MYH15: variants seen among roughly 807,000 people sequenced by gnomAD.
MYH15 encodes myosin-15.
Under a neutral mutation model 240.5 loss-of-function variants are expected in MYH15, and 227 were observed. That is an observed-to-expected ratio of 0.94 (90% CI 0.85 to 1.05). MYH15 has a LOEUF of 1.05. Ranked by LOEUF, MYH15 falls within the 50% of genes least tolerant of loss-of-function variation. MYH15 has a pLI of 0.00. For missense variants in MYH15, 2,217 were observed against 2,247.5 expected, an observed-to-expected ratio of 0.99 and a Z score of 0.27; for synonymous variants, 785 against 796.7, an observed-to-expected ratio of 0.99 and a Z score of 0.25.
the MYH15 span, chr3:108,550,485 A>AT: frequency 1.3e-5 from 2 of 151,420 alleles, no homozygotes; most frequent in African/African-American, 2.4e-5. Flanking sequence ...AAGTTCTTAG[A>AT]TTTTTTATGA....
At chr3:108,533,651 T>C (rs545551980), upstream of MYH15, among the ~76,000 whole-genome samples, 3 of 152,260 alleles carry the variant, frequency 2.0e-5, no homozygotes, top group South Asian at 6.2e-4. Context: ...CTATATTTCG[T>C]GAAAGACTTG....
chr3:108,402,200 G>A (rs1358243499), intron 33 of MYH15, among the ~76,000 whole-genome samples: 1 of 152,104 alleles, frequency 6.6e-6, no homozygotes, highest in Non-Finnish European at 1.5e-5. Context: ...CTGAGTTTGA[G>A]GTTCTAATTT....
the MYH15 span, chr3:108,550,072 C>T: frequency 1.4e-4 from 22 of 151,878 alleles, no homozygotes; most frequent in East Asian, 4.1e-3. Context: ...ATCAAACAGA[C>T]ATATGGTGAA....
At chr3:108,546,647 C>A in the MYH15 span, among the ~76,000 whole-genome samples, 1 of 152,050 alleles carries the variant, frequency 6.6e-6, no homozygotes, top group Non-Finnish European at 1.5e-5. Flanking sequence ...AGGAAATAGA[C>A]AACTAAAATG....
In MYH15 at chr3:108,467,829, TAATAA is replaced by T. The variant is rs146591253; in HGVS notation, c.1554+2208_1554+2212del. On this transcript the variant is annotated intron_variant, in intron 14 of 40. Coordinates refer to ENST00000693548, the MANE Select transcript of MYH15 (RefSeq NM_014981.3). ...TCTAAACAAACTAGAATATTTCAAG[TAATAA>T]AATAAGTATGAGCAAATCCTATAAT... 2.0e-3 allele frequency among the ~76,000 whole-genome samples: 300 copies of T among 152,272 alleles called. 2 individuals carry two copies. Among genetic ancestry groups the T allele is most frequent in the African/African-American group, 7.0e-3 (292 of 41,578 alleles).
chr3:108,449,378 T>A (rs1376959731), intron 21 of MYH15, among the ~76,000 whole-genome samples: 2 of 152,112 alleles, frequency 1.3e-5, no homozygotes, highest in Non-Finnish European at 2.9e-5. Flanking sequence ...GGTATTAGCA[T>A]AAAAACAAAC....
chr3:108,430,887 AC>A lies in MYH15; in HGVS notation c.3256del (p.Val1086TrpfsTer8), dbSNP rs1371858769. 13 of 1,612,310 alleles carry A rather than the reference AC, an allele frequency of 8.1e-6. No individual in the cohort carries two copies. The highest frequency in any genetic ancestry group is 9.3e-6 in the Non-Finnish European group (11 of 1,179,652). ...AGCTACCAGGCCTTTCTCATTCTCCACTTTTGAATTCATCTGACTCAATTCT... is the reference window on the plus strand; with the variant it reads ...AGCTACCAGGCCTTTCTCATTCTCCATTTTGAATTCATCTGACTCAATTCT... ...ELELSQMNSK[V>X]ENEKGLVAQL... On this transcript the variant is annotated frameshift_variant, in exon 26 of 41. Coordinates refer to ENST00000693548, the MANE Select transcript of MYH15 (RefSeq NM_014981.3). LOFTEE classifies it high-confidence loss of function.
chr3:108,455,880 A>C (rs1193452480), intron 19 of MYH15, 21 bp from the exon 20 acceptor site: 3 of 1,602,104 alleles, frequency 1.9e-6, no homozygotes, highest in Non-Finnish European at 2.6e-6. Context: ...ATAAAGAAAA[A>C]ATCATGAGTT....
At chr3:108,546,369 G>GA in the MYH15 span, among the ~76,000 whole-genome samples, 1 of 152,196 alleles carries the variant, frequency 6.6e-6, no homozygotes, top group Non-Finnish European at 1.5e-5. Context: ...TAAGTGAGAT[G>GA]AAATATGATA....
At chr3:108,427,695 G>C (rs1436748364) in intron 27 of MYH15, among the ~76,000 whole-genome samples, 1 of 151,668 alleles carries the variant, frequency 6.6e-6, no homozygotes, top group African/African-American at 2.4e-5. Flanking sequence ...ACTCAGTATG[G>C]TATTTAAAAG....
intron 22 of MYH15, among the ~76,000 whole-genome samples, chr3:108,442,593 T>G (rs2107569912): frequency 6.6e-6 from 1 of 152,202 alleles, no homozygotes; most frequent in African/African-American, 2.4e-5. Context: ...CGACCATCAT[T>G]GATCTCTTCA....
rs191702761 is a variant in MYH15, at chr3:108,521,262, G to A, written c.-58+8001C>T. 6.7e-3 allele frequency among the ~76,000 whole-genome samples: 1,012 copies of A among 152,088 alleles called. 5 individuals are homozygous for A. Among genetic ancestry groups the A allele is most frequent in the African/African-American group, 0.023 (955 of 41,484 alleles). On this transcript the variant is annotated intron_variant, in intron 1 of 41. Coordinates refer to the MYH15 transcript ENST00000273353. ...AAACAGCTAATTGATTGCTACAAAAGGGGAGATTAGCCAGTCGACCCTTGA... is the reference window on the plus strand; with the variant it reads ...AAACAGCTAATTGATTGCTACAAAAAGGGAGATTAGCCAGTCGACCCTTGA...
chr3:108,532,319 C>T (rs2083717093), upstream of MYH15, among the ~76,000 whole-genome samples: 1 of 151,638 alleles, frequency 6.6e-6, no homozygotes, highest in African/African-American at 2.4e-5. Flanking sequence ...CTTATCCAAT[C>T]AAAAAATCTG....
the MYH15 span, among the ~76,000 whole-genome samples, chr3:108,545,344 G>C: frequency 6.6e-6 from 1 of 152,152 alleles, no homozygotes; most frequent in Middle Eastern, 3.4e-3. Flanking sequence ...TTGGCCAAAG[G>C]TTTGATGAAG....
intron 6 of MYH15, 140 bp from the exon 7 acceptor site, chr3:108,496,012 T>G: frequency 1.8e-6 from 1 of 558,966 alleles, no homozygotes; most frequent in South Asian, 2.8e-5. Context: ...TTTGGTTATA[T>G]TATCTTCGAA....
At chr3:108,437,074 A>G (rs2082844357) in intron 25 of MYH15, among the ~76,000 whole-genome samples, 1 of 152,084 alleles carries the variant, frequency 6.6e-6, no homozygotes, top group African/African-American at 2.4e-5. Flanking sequence ...TTAAGGTTTA[A>G]TATTTATATA....
intron 1 of MYH15, among the ~76,000 whole-genome samples, chr3:108,527,397 C>A (rs183082824): frequency 1.3e-5 from 2 of 152,270 alleles, no homozygotes; most frequent in East Asian, 3.9e-4. Context: ...AGAGGCAAAT[C>A]TTGCTCCTCC....
intron 24 of MYH15, among the ~76,000 whole-genome samples, chr3:108,438,839 A>G (rs2082862210): frequency 6.6e-6 from 1 of 152,172 alleles, no homozygotes; most frequent in South Asian, 2.1e-4. Context: ...GAATGGACTA[A>G]GACACCAGGA....
At chr3:108,550,455 T>C in the MYH15 span, 1 of 151,454 alleles carries the variant, frequency 6.6e-6, no homozygotes, top group Admixed American at 6.6e-5. Flanking sequence ...ACACTAAATA[T>C]ACCTTACAAA....
Sources: allele counts gnomAD v4.1 joint callset (sites outside exome capture counted in the v4.1 genomes callset), GRCh38; gene constraint gnomAD v4.1.1; transcripts MANE v1.5; gene names NCBI Gene and HGNC (gene_info 2026-07-23, HGNC 2026-07-21).